The following VPS13A variants were observed in gnomAD, a reference collection of about 807,000 sequenced individuals.
The protein encoded by VPS13A is vacuolar protein sorting 13 homolog A.
Under a neutral mutation model 390.9 loss-of-function variants are expected in VPS13A, and 264 were observed. The observed-to-expected ratio is 0.68, with a 90% CI of 0.61 to 0.75. VPS13A has a LOEUF of 0.75. VPS13A is among the 30% of genes least tolerant of loss of function. The pLI, the probability that VPS13A is intolerant of heterozygous loss-of-function variation, is 0.00. For synonymous variants in VPS13A, 1,231 were observed against 1,227.1 expected (o/e 1.00, Z -0.07); for missense variants, 3,409 against 3,733.9 (o/e 0.91, Z 2.27).
At chr9:77,361,802 C>T (rs1832154981) in intron 59 of VPS13A, among the ~76,000 whole-genome samples, 1 of 151,936 alleles carries the variant, frequency 6.6e-6, no homozygotes, top group African/African-American at 2.4e-5. Flanking sequence ...ATATTATCCC[C>T]AACACTTGTT....
chr9:77,371,613 A>G lies in VPS13A; in HGVS notation c.9077+464A>G, dbSNP rs748078747. On this transcript the variant is annotated intron_variant, in intron 67 of 71. Coordinates refer to ENST00000360280, the MANE Select transcript of VPS13A (RefSeq NM_033305.3). The stretch of plus-strand genomic sequence containing the variant: ...TCAAACCATAGCAGTTACCAGCACT[A>G]CAATATGGCAGGTTGCATATGGTCT... Among the ~76,000 whole-genome samples the G allele has an allele frequency of 6.0e-4, 91 of 152,080 alleles. 1 individual carries two copies. The Middle Eastern group carries it at 0.01, about 17-fold the overall frequency.
chr9:77,228,262 AAAGT>A lies in VPS13A; in HGVS notation c.1595+4_1595+7del. The stretch of plus-strand genomic sequence containing the variant: ...TGCAAAGACCAGGAGCACAAGCAAT[AAAGT>A]AAGTATTAATTTATCTTTTTTTATC... On this transcript the variant is annotated splice_donor_variant and coding_sequence_variant, in exon 17 of 72. Coordinates refer to ENST00000360280, the MANE Select transcript of VPS13A (RefSeq NM_033305.3). LOFTEE classifies it high-confidence loss of function. 2.5e-6 allele frequency: 4 copies of A among 1,589,152 alleles called. No individual in the cohort carries two copies. Among genetic ancestry groups the A allele is most frequent in the Non-Finnish European group, 3.4e-6 (4 of 1,166,518 alleles).
At chr9:77,356,991 C>G in intron 55 of VPS13A, 124 bp downstream of exon 55, 1 of 1,078,172 alleles carries the variant, frequency 9.3e-7, no homozygotes, top group Non-Finnish European at 1.4e-6. Flanking sequence ...TCATACATAC[C>G]TTGTATAAAA....
chr9:77,295,699 A>G lies in VPS13A; in HGVS notation c.3665A>G (p.Gln1222Arg), dbSNP rs1443642791. The change falls in exon 33 of 72, where the codon CAG becomes CGG. Residue 1222 changes from glutamine (Q) to arginine (R), a missense_variant. By Grantham distance (43) the Gln-to-Arg change is conservative. Transcript: ENST00000360280. ...NIKAPVVVIP[Q>R]SPVSENVFVA... ...AAAGCCCCAGTTGTGGTCATCCCGC[A>G]GTCTCCAGTTTCTGAAAATGTTTTT... is the stretch of plus-strand genomic sequence containing the variant. 6.2e-7 allele frequency: 1 copy of G among 1,613,950 alleles called. No homozygotes were observed. Among genetic ancestry groups the G allele is most frequent in the Non-Finnish European group, 8.5e-7 (1 of 1,179,960 alleles).
intron 67 of VPS13A, among the ~76,000 whole-genome samples, chr9:77,379,625 C>A (rs947020199): frequency 1.3e-5 from 2 of 151,906 alleles, no homozygotes; most frequent in Non-Finnish European, 2.9e-5. Context: ...CTGACCACCT[C>A]GGCCTCGCAA....
At chr9:77,210,786 T>C in intron 7 of VPS13A, 111 bp downstream of exon 7, 1 of 1,090,762 alleles carries the variant, frequency 9.2e-7, no homozygotes, top group Non-Finnish European at 1.4e-6. Context: ...GTAGAACGGG[T>C]GCACAAAGGG....
rs2131349996 is a variant in VPS13A, at chr9:77,283,398, T to A, written c.3162T>A (p.Ile1054=). The stretch of plus-strand genomic sequence containing the variant: ...ATGAAGATATCATTACTTTGCAGAT[T>A]TTAGCAGAATTATCGTGTTTACAGA... The part of the protein sequence containing the change: ...STNEDIITLQ[I]LAELSCLQIF... The change falls in exon 30 of 72, where the codon ATT becomes ATA. Residue 1054 remains isoleucine, a synonymous_variant. Coordinates refer to ENST00000360280, the MANE Select transcript of VPS13A (RefSeq NM_033305.3). 6.2e-7 allele frequency: 1 copy of A among 1,608,330 alleles called. No individual in the cohort carries two copies. The highest frequency in any genetic ancestry group is 1.3e-5 in the African/African-American group (1 of 74,880).
chr9:77,213,359 C>A lies in VPS13A; in HGVS notation c.696+45C>A, dbSNP rs950983532. 6 of 1,487,158 alleles carry A rather than the reference C, an allele frequency of 4.0e-6. No homozygotes were observed. In the African/African-American group the frequency reaches 6.9e-5, roughly 17 times the overall value. The allele number at this position is 1,487,158 out of a possible 1,614,324, so 92.1% of individuals were successfully genotyped here. ...ATGTATTTGTTGGTATCATATTTTG[C>A]ATGAGGTTTAATTCATTGTCATTTA... On this transcript the variant is annotated intron_variant, in intron 9 of 71. Transcript: ENST00000360280.
chr9:77,390,111 C>T lies in VPS13A; in HGVS notation c.9189+8024C>T, dbSNP rs1454662048. On this transcript the variant is annotated intron_variant, in intron 68 of 71. Coordinates refer to ENST00000360280, the MANE Select transcript of VPS13A (RefSeq NM_033305.3). ...AGCAGTCAGATCACCAGAGTAGTGC[C>T]GAACACTTCCTGGCTTCATCTGAAA... 1.0e-5 allele frequency: 10 copies of T among 985,178 alleles called. No homozygotes were observed. The Admixed American group carries it at 4.3e-4, about 42-fold the overall frequency. The allele number at this position is 985,178 out of a possible 1,614,324, so 61.0% of individuals were successfully genotyped here.
rs201567434 is a variant in VPS13A at position 77,273,352 on chromosome 9, G to A, written c.2500G>A (p.Val834Ile). ...AATTCCTCTCTTGGAACTTCCATCT[G>A]TTTCTGAAGATGGTAAAATGAAACT... The part of the protein sequence containing the change: ...KIIPLLELPS[V>I]SEDDSEEEFF... The change falls in exon 24 of 72, where the codon GTT becomes ATT. Residue 834 changes from valine (V) to isoleucine (I), a missense_variant. Physicochemically the swap from Val to Ile is conservative, Grantham distance 29. Around this residue, in one of 5 missense-constraint regions of VPS13A, gnomAD observed 2,717 missense variants for 2,917.4 expected, o/e 0.93. Coordinates refer to ENST00000360280, the MANE Select transcript of VPS13A (RefSeq NM_033305.3). 82 of 1,608,426 alleles carry A rather than the reference G, an allele frequency of 5.1e-5. No homozygotes were observed. In the African/African-American group the frequency reaches 5.5e-4, roughly 11 times the overall value.
In VPS13A at chr9:77,416,190, T is replaced by C. The variant is rs1303072930; in HGVS notation, c.*184T>C. The C allele has an allele frequency of 4.9e-6, 3 of 612,620 alleles. No homozygotes were observed. Among genetic ancestry groups the C allele is most frequent in the Non-Finnish European group, 8.7e-6 (3 of 346,674 alleles). 37.9% of individuals were successfully genotyped at this position (612,620 alleles called of 1,614,324 possible). A position where few individuals can be genotyped will look rare whatever the true frequency, so the allele number is the denominator to read the frequency against. Reference sequence around the variant, plus strand: ...CAAAACCAGAATCAGGTAAAACAGCTATGTGATTAAAATATTTTAATTCTT... The same window carrying C: ...CAAAACCAGAATCAGGTAAAACAGCCATGTGATTAAAATATTTTAATTCTT... On this transcript the variant is annotated 3_prime_UTR_variant, in exon 72 of 72. Coordinates refer to ENST00000360280, the MANE Select transcript of VPS13A (RefSeq NM_033305.3).
chr9:77,246,461 A>G (rs1254408207), intron 19 of VPS13A, among the ~76,000 whole-genome samples: 6 of 139,510 alleles, frequency 4.3e-5, no homozygotes, highest in Non-Finnish European at 9.5e-5. Flanking sequence ...TGACCTGCCT[A>G]CATTTTGTGT....
intron 36 of VPS13A, 71 bp downstream of exon 36, chr9:77,314,190 C>A (rs1829249879): frequency 4.0e-6 from 6 of 1,517,028 alleles, no homozygotes; most frequent in African/African-American, 1.4e-5. Flanking sequence ...TTTAAAGTAA[C>A]AAATGTTAAT....
At chr9:77,255,654 T>C (rs1450018245) in intron 22 of VPS13A, among the ~76,000 whole-genome samples, 2 of 152,094 alleles carry the variant, frequency 1.3e-5, no homozygotes, top group African/African-American at 4.8e-5. Context: ...GAGGTTTTCT[T>C]TATTGGGAGG....
At chr9:77,210,387 T>C (rs1825915626) in intron 6 of VPS13A, among the ~76,000 whole-genome samples, 1 of 92,394 alleles carries the variant, frequency 1.1e-5, no homozygotes, top group African/African-American at 4.4e-5. Context: ...GGGACTACAG[T>C]TGCACCCCAC....
At chr9:77,352,096 A>G (rs996519099) in intron 53 of VPS13A, among the ~76,000 whole-genome samples, 1 of 152,240 alleles carries the variant, frequency 6.6e-6, no homozygotes, top group Non-Finnish European at 1.5e-5. Flanking sequence ...TTCAGCATTC[A>G]CCTGAAAAAC....
intron 45 of VPS13A, among the ~76,000 whole-genome samples, chr9:77,323,574 C>G (rs1456781531): frequency 6.6e-6 from 1 of 151,992 alleles, no homozygotes; most frequent in Admixed American, 6.6e-5. Flanking sequence ...AATTTTACAG[C>G]TTTATTGAGG....
intron 31 of VPS13A, among the ~76,000 whole-genome samples, chr9:77,286,260 G>A (rs1487857514): frequency 1.3e-5 from 2 of 152,150 alleles, no homozygotes; most frequent in African/African-American, 2.4e-5. Flanking sequence ...CTAGCTTGCA[G>A]GCATGTTGGT....
rs529720991 is a variant in VPS13A at position 77,226,372 on chromosome 9, A to G, written c.1225-94A>G. The G allele has an allele frequency of 1.9e-3, 2,328 of 1,202,004 alleles. 5 individuals carry two copies. The highest frequency in any genetic ancestry group is 2.6e-3 in the Non-Finnish European group (2,142 of 818,996). The allele number at this position is 1,202,004 out of a possible 1,614,324, so 74.5% of individuals were successfully genotyped here. On this transcript the variant is annotated intron_variant, in intron 14 of 71. Transcript: ENST00000360280. ...TATATTGTTTACATTCATTTTGCTC[A>G]AGAGGATAAGTTCTCAGAATGTCTT... is the stretch of plus-strand genomic sequence containing the variant.
Sources: gnomAD v4.1 joint callset for allele counts (sites outside exome capture counted in the v4.1 genomes callset) on GRCh38, gnomAD v4.1.1 for gene constraint, gnomAD v4.1.1 regional missense constraint, MANE v1.5 for transcripts, NCBI Gene and HGNC (gene_info 2026-07-23, HGNC 2026-07-21) for gene names.